PTPRD: variants seen among roughly 807,000 people sequenced by gnomAD.
PTPRD encodes protein tyrosine phosphatase receptor type D.
Under a neutral mutation model 214.5 loss-of-function variants are expected in PTPRD, and 34 were observed. The observed-to-expected ratio is 0.16, with a 90% CI of 0.12 to 0.21. The LOEUF (loss-of-function observed/expected upper bound fraction) is 0.21, where lower values mean the gene tolerates loss of function less well. PTPRD is among the 10% of genes least tolerant of loss of function. The probability of loss-of-function intolerance (pLI) is 1.00; values close to 1 mark genes in which losing one functional copy is unlikely to be tolerated. For synonymous variants in PTPRD, 1,128 were observed against 845.7 expected (o/e 1.33, Z -5.79); for missense variants, 2,545 against 2,398.7 (o/e 1.06, Z -1.27).
At chr9:9,867,602 A>T (rs1461528923) in intron 5 of PTPRD, among the ~76,000 whole-genome samples, 2 of 152,148 alleles carry the variant, frequency 1.3e-5, no homozygotes, top group East Asian at 3.9e-4. Flanking sequence ...AAAAAATAAA[A>T]AGCTCTTGGC....
chr9:10,366,262 G>C (rs1245108899), intron 2 of PTPRD, among the ~76,000 whole-genome samples: 1 of 152,246 alleles, frequency 6.6e-6, no homozygotes, highest in East Asian at 1.9e-4. Context: ...CCCAACTGGA[G>C]AGAAAACAAT....
chr9:10,582,230 A>T (rs181941584), intron 2 of PTPRD, among the ~76,000 whole-genome samples: 1 of 152,258 alleles, frequency 6.6e-6, no homozygotes, highest in African/African-American at 2.4e-5. Flanking sequence ...AAGCAGCATG[A>T]GCCATTATCA....
At chr9:10,071,924 T>A (rs1227136541) in intron 3 of PTPRD, among the ~76,000 whole-genome samples, 2 of 152,052 alleles carry the variant, frequency 1.3e-5, no homozygotes, top group East Asian at 3.9e-4. Context: ...TTAAAATAAT[T>A]ATTATCTACT....
At chr9:9,355,455 T>C (rs1445531553) in intron 9 of PTPRD, among the ~76,000 whole-genome samples, 1 of 151,648 alleles carries the variant, frequency 6.6e-6, no homozygotes, top group Non-Finnish European at 1.5e-5. Context: ...TATATTGGAA[T>C]GTCATGAATA....
chr9:9,275,094 AT>A (rs1569566663), intron 9 of PTPRD, among the ~76,000 whole-genome samples: 10 of 54,244 alleles, frequency 1.8e-4, no homozygotes, highest in Admixed American at 3.2e-4. Flanking sequence ...TATATATGTT[AT>A]ATATATAATA....
At chr9:9,792,535 A>G (rs991077358) in intron 5 of PTPRD, among the ~76,000 whole-genome samples, 1 of 152,172 alleles carries the variant, frequency 6.6e-6, no homozygotes, top group Non-Finnish European at 1.5e-5. Flanking sequence ...GCCCTGGAGG[A>G]AAAAATAGAA....
chr9:10,040,731 A>G (rs777530014), intron 3 of PTPRD, among the ~76,000 whole-genome samples: 2 of 152,086 alleles, frequency 1.3e-5, no homozygotes, highest in African/African-American at 2.4e-5. Flanking sequence ...GAGAGAAACA[A>G]TGAAAGAATC....
chr9:8,794,497 T>C (rs1007037074), intron 11 of PTPRD, among the ~76,000 whole-genome samples: 2 of 149,720 alleles, frequency 1.3e-5, no homozygotes, highest in African/African-American at 4.9e-5. Context: ...GACATTTATA[T>C]TCACAGAAGC....
At chr9:9,260,684 A>G (rs1210454019) in intron 9 of PTPRD, among the ~76,000 whole-genome samples, 3 of 151,874 alleles carry the variant, frequency 2.0e-5, no homozygotes, top group African/African-American at 7.2e-5. Context: ...GTTACAAAAG[A>G]TGATAGACAA....
chr9:9,303,468 A>T (rs1053760632), intron 9 of PTPRD, among the ~76,000 whole-genome samples: 1 of 152,162 alleles, frequency 6.6e-6, no homozygotes, highest in African/African-American at 2.4e-5. Flanking sequence ...TCTTGGGACA[A>T]AGTTATGCCG....
intron 2 of PTPRD, among the ~76,000 whole-genome samples, chr9:10,565,736 C>A (rs2065402556): frequency 2.0e-5 from 3 of 152,104 alleles, no homozygotes; most frequent in South Asian, 4.1e-4. Context: ...TCATCTTACT[C>A]TTTTACTTAT....
At chr9:8,319,485 T>C (rs1825156130) in intron 45 of PTPRD, among the ~76,000 whole-genome samples, 1 of 151,898 alleles carries the variant, frequency 6.6e-6, no homozygotes, top group Non-Finnish European at 1.5e-5. Context: ...GATTATATTA[T>C]GTACTAAATA....
chr9:8,449,985 T>C (rs1175148487), intron 33 of PTPRD, 148 bp from the exon 34 acceptor site: 1 of 732,464 alleles, frequency 1.4e-6, no homozygotes, highest in African/African-American at 1.8e-5. Context: ...CCAGTTCGGG[T>C]TGCTTTTCCC....
chr9:10,457,130 C>T (rs113319508), intron 2 of PTPRD, among the ~76,000 whole-genome samples: 1 of 151,760 alleles, frequency 6.6e-6, no homozygotes, highest in African/African-American at 2.4e-5. Context: ...AACTTCCTGA[C>T]GTGCACATAT....
chr9:9,765,434 C>T (rs867716611), intron 6 of PTPRD, among the ~76,000 whole-genome samples: 1 of 152,018 alleles, frequency 6.6e-6, no homozygotes, highest in Non-Finnish European at 1.5e-5. Flanking sequence ...GGATGCCCAA[C>T]TTTTATTTCA....
At chr9:9,336,773 T>G (rs2136994098) in intron 9 of PTPRD, among the ~76,000 whole-genome samples, 1 of 152,304 alleles carries the variant, frequency 6.6e-6, no homozygotes, top group South Asian at 2.1e-4. Flanking sequence ...GCCCTTGAAA[T>G]TTATACTTTA....
chr9:10,198,302 G>A (rs1044183623), intron 3 of PTPRD, among the ~76,000 whole-genome samples: 2 of 152,158 alleles, frequency 1.3e-5, no homozygotes, highest in African/African-American at 4.8e-5. Flanking sequence ...AATTTCTAGT[G>A]TAGCAACACT....
At chr9:8,912,898 C>T (rs2098757787) in intron 11 of PTPRD, among the ~76,000 whole-genome samples, 1 of 152,018 alleles carries the variant, frequency 6.6e-6, no homozygotes, top group African/African-American at 2.4e-5. Context: ...TATTTGAAGT[C>T]ACTGTTGTAC....
At chr9:9,729,637 A>G (rs1445388140) in intron 7 of PTPRD, among the ~76,000 whole-genome samples, 1 of 152,154 alleles carries the variant, frequency 6.6e-6, no homozygotes, top group Non-Finnish European at 1.5e-5. Flanking sequence ...AACTTTTTTA[A>G]AAATGATAAA....
Sources: gnomAD v4.1 joint callset for allele counts (sites outside exome capture counted in the v4.1 genomes callset) on GRCh38, gnomAD v4.1.1 for gene constraint, MANE v1.5 for transcripts, NCBI Gene and HGNC (gene_info 2026-07-23, HGNC 2026-07-21) for gene names.